OVCA2: variants seen among roughly 807,000 people sequenced by gnomAD.
The protein encoded by OVCA2 is esterase OVCA2.
OVCA2 carries 14 observed loss-of-function variants against 10.1 expected under a neutral mutation model. The observed-to-expected ratio is 1.39, with a 90% CI of 0.92 to 2.17. The LOEUF (loss-of-function observed/expected upper bound fraction) is 2.17. Ranked by LOEUF, OVCA2 falls within the 30% of genes most tolerant of loss-of-function variation. OVCA2 has a pLI of 0.00. For synonymous variants in OVCA2, 201 were observed against 134.1 expected (o/e 1.50, Z -3.45); for missense variants, 376 against 300.5 (o/e 1.25, Z -1.86).
Position 2,042,964 on chromosome 17 carries a change from ATCCCCT to A in OVCA2, c.545_550del (p.Ile182_Ser184delinsThr). On this transcript the variant is annotated inframe_deletion, in exon 2 of 2. Coordinates refer to ENST00000572195, the MANE Select transcript of OVCA2 (RefSeq NM_080822.3). ...TGTTTTTGGGGACACTGACAAAGTC[ATCCCCT>A]CTCAGGAGAGTGTGCAACTGGCCAG... The A allele has an allele frequency of 6.2e-7, 1 of 1,614,162 alleles. No individual in the cohort carries two copies. Among genetic ancestry groups the A allele is most frequent in the Non-Finnish European group, 8.5e-7 (1 of 1,180,042 alleles).
intron 1 of OVCA2, 174 bp downstream of exon 1, chr17:2,042,405 AG>A (rs2067555759): frequency 9.6e-6 from 12 of 1,255,154 alleles, no homozygotes; most frequent in Non-Finnish European, 1.1e-5. Context: ...CTGTCCTCCC[AG>A]GCTTCCGCCT....
In OVCA2 at chr17:2,043,295, G is replaced by A; in HGVS notation, c.*191G>A. The A allele has an allele frequency of 1.5e-6, 1 of 659,856 alleles. No homozygotes were observed. Among genetic ancestry groups the A allele is most frequent in the Non-Finnish European group, 2.5e-6 (1 of 402,502 alleles). The allele number at this position is 659,856 out of a possible 1,614,324, so 40.9% of individuals were successfully genotyped here. A position where few individuals can be genotyped will look rare whatever the true frequency, so the allele number is the denominator to read the frequency against. ...GTACTGAAGAAAAGGGGAGCACAAGGCCTTAATGGACATTGACTTGTGAAA... is the reference window on the plus strand; with the variant it reads ...GTACTGAAGAAAAGGGGAGCACAAGACCTTAATGGACATTGACTTGTGAAA... On this transcript the variant is annotated 3_prime_UTR_variant, in exon 2 of 2. Coordinates refer to ENST00000572195, the MANE Select transcript of OVCA2 (RefSeq NM_080822.3).
In OVCA2 at chr17:2,042,700, G is replaced by C. The variant is rs771450816; in HGVS notation, c.280G>C (p.Gly94Arg). 9 of 1,548,168 alleles carry C rather than the reference G, an allele frequency of 5.8e-6. No individual in the cohort carries two copies. In the Admixed American group the frequency reaches 1.6e-4, roughly 28 times the overall value. ...SALEEPAVCR[G>R]LEESLGMVAQ... is the part of the protein sequence containing the mutation. Reference sequence around the variant, plus strand: ...ATTGGAAGAGCCCGCCGTCTGCAGGGGCCTGGAGGAATCACTGGGGATGGT... The same window carrying C: ...ATTGGAAGAGCCCGCCGTCTGCAGGCGCCTGGAGGAATCACTGGGGATGGT... The change falls in exon 2 of 2, where the codon GGC becomes CGC. Residue 94 changes from glycine (G) to arginine (R), a missense_variant. By Grantham distance (125) the Gly-to-Arg change is moderately radical. Transcript: ENST00000572195.
In OVCA2 at chr17:2,042,975, GGA is replaced by G; in HGVS notation, c.559_560del (p.Ser187CysfsTer107). On this transcript the variant is annotated frameshift_variant, in exon 2 of 2. Transcript: ENST00000572195. LOFTEE classifies it high-confidence loss of function. ...ACACTGACAAAGTCATCCCCTCTCA[GGA>G]GAGTGTGCAACTGGCCAGCCAATTT... Reference protein sequence around the residue: ...GDTDKVIPSQESVQLASQFPG... With the variant: ...GDTDKVIPSQXSVQLASQFPG... 2 of 1,614,148 alleles carry G rather than the reference GGA, an allele frequency of 1.2e-6. No individual in the cohort carries two copies. The highest frequency in any genetic ancestry group is 1.7e-6 in the Non-Finnish European group (2 of 1,180,046).
At position 2,042,245 on chromosome 17, in the gene OVCA2, C is replaced by T. The variant is rs1343711555; in HGVS notation, c.184+14C>T. 1.4e-6 allele frequency: 2 copies of T among 1,413,216 alleles called. No homozygotes were observed. Among genetic ancestry groups the T allele is most frequent in the Non-Finnish European group, 1.8e-6 (2 of 1,090,014 alleles). The allele number at this position is 1,413,216 out of a possible 1,614,324, so 87.5% of individuals were successfully genotyped here. On this transcript the variant is annotated intron_variant, in intron 1 of 1. Transcript: ENST00000572195. The stretch of plus-strand genomic sequence containing the variant: ...GATCAGACTTCGGTGAGACAAGCCC[C>T]GCTCCGGAAACGCACTCAGTTTCCT...
chr17:2,042,297 C>T (rs2067551924), intron 1 of OVCA2, 66 bp downstream of exon 1: 1 of 1,395,742 alleles, frequency 7.2e-7, no homozygotes, highest in African/African-American at 1.5e-5. Flanking sequence ...CCCTCGACAC[C>T]CTTCAGCATC....
chr17:2,042,980 G>A lies in OVCA2; in HGVS notation c.560G>A (p.Ser187Asn), dbSNP rs374371278. 10 of 1,614,002 alleles carry A rather than the reference G, an allele frequency of 6.2e-6. No homozygotes were observed. Among genetic ancestry groups the A allele is most frequent in the African/African-American group, 1.3e-5 (1 of 74,936 alleles). The change falls in exon 2 of 2, where the codon AGT becomes AAT. Residue 187 changes from serine to asparagine, a missense_variant. Ser to Asn is a conservative substitution (Grantham distance 46, BLOSUM62 1). Transcript: ENST00000572195. ...DTDKVIPSQE[S>N]VQLASQFPGA... The stretch of plus-strand genomic sequence containing the variant: ...GACAAAGTCATCCCCTCTCAGGAGA[G>A]TGTGCAACTGGCCAGCCAATTTCCC...
chr17:2,043,301 A>T lies in OVCA2; in HGVS notation c.*197A>T. ...AAGAAAAGGGGAGCACAAGGCCTTA[A>T]TGGACATTGACTTGTGAAAACGCAA... On this transcript the variant is annotated 3_prime_UTR_variant, in exon 2 of 2. Coordinates refer to ENST00000572195, the MANE Select transcript of OVCA2 (RefSeq NM_080822.3). The T allele has an allele frequency of 1.6e-6, 1 of 639,842 alleles. No homozygotes were observed. The highest frequency in any genetic ancestry group is 2.6e-6 in the Non-Finnish European group (1 of 385,964). The allele number at this position is 639,842 out of a possible 1,614,324, so 39.6% of individuals were successfully genotyped here.
chr17:2,042,246 G>A lies in OVCA2; in HGVS notation c.184+15G>A, dbSNP rs576716092. The A allele has an allele frequency of 1.6e-5, 23 of 1,412,058 alleles. No homozygotes were observed. The African/African-American group carries it at 2.1e-4, about 13-fold the overall frequency. 87.5% of individuals were successfully genotyped at this position (1,412,058 alleles called of 1,614,324 possible). ...ATCAGACTTCGGTGAGACAAGCCCC[G>A]CTCCGGAAACGCACTCAGTTTCCTC... On this transcript the variant is annotated intron_variant, in intron 1 of 1. Transcript: ENST00000572195.
Position 2,043,261 on chromosome 17 carries a change from C to T in OVCA2, c.*157C>T. The T allele has an allele frequency of 1.1e-6, 1 of 911,898 alleles. No homozygotes were observed. The highest frequency in any genetic ancestry group is 1.6e-6 in the Non-Finnish European group (1 of 613,016). The allele number at this position is 911,898 out of a possible 1,614,324, so 56.5% of individuals were successfully genotyped here. On this transcript the variant is annotated 3_prime_UTR_variant, in exon 2 of 2. Coordinates refer to ENST00000572195, the MANE Select transcript of OVCA2 (RefSeq NM_080822.3). ...ATTCTTGAGACCCAAATTATAAGGG[C>T]CCTGCCCTGTACTGAAGAAAAGGGG...
At chr17:2,042,326 C>G in intron 1 of OVCA2, 95 bp downstream of exon 1, 1 of 1,382,810 alleles carries the variant, frequency 7.2e-7, no homozygotes, top group Non-Finnish European at 9.4e-7. Flanking sequence ...TGCGTCCACC[C>G]GCATTCCTCC....
At chr17:2,042,273 A>G (rs1597290909) in intron 1 of OVCA2, 42 bp downstream of exon 1, 1 of 1,401,038 alleles carries the variant, frequency 7.1e-7, no homozygotes, top group Non-Finnish European at 9.2e-7. Flanking sequence ...AGTTTCCTCC[A>G]TCTTGTTTCG....
rs139327293 is a variant in OVCA2 at position 2,043,005 on chromosome 17, C to A, written c.585C>A (p.Pro195=). Residue 195 remains proline (P), a synonymous_variant, in exon 2 of 2, where the codon CCC becomes CCA. Transcript: ENST00000572195. ...GTGTGCAACTGGCCAGCCAATTTCC[C>A]GGAGCCATCACCCTCACCCACTCTG... The part of the protein sequence containing the change: ...QESVQLASQF[P]GAITLTHSGG... 6.2e-7 allele frequency: 1 copy of A among 1,614,126 alleles called. No homozygotes were observed. The highest frequency in any genetic ancestry group is 1.3e-5 in the African/African-American group (1 of 75,060).
In OVCA2 at chr17:2,043,233, T is replaced by C; in HGVS notation, c.*129T>C. 1 of 1,196,688 alleles carries C rather than the reference T, an allele frequency of 8.4e-7. No individual in the cohort carries two copies. Among genetic ancestry groups the C allele is most frequent in the African/African-American group, 1.5e-5 (1 of 65,612 alleles). 74.1% of individuals were successfully genotyped at this position (1,196,688 alleles called of 1,614,324 possible). On this transcript the variant is annotated 3_prime_UTR_variant, in exon 2 of 2. Coordinates refer to ENST00000572195, the MANE Select transcript of OVCA2 (RefSeq NM_080822.3). Reference sequence around the variant, plus strand: ...ACCAGAACCAGTTAAGAGACAACTATCAATTCTTGAGACCCAAATTATAAG... The same window carrying C: ...ACCAGAACCAGTTAAGAGACAACTACCAATTCTTGAGACCCAAATTATAAG...
chr17:2,042,377 C>T (rs1047908655), intron 1 of OVCA2, 146 bp downstream of exon 1: 4 of 1,306,338 alleles, frequency 3.1e-6, no homozygotes, highest in African/African-American at 3.1e-5. Context: ...CCCATACCCT[C>T]TTTGCTCAAA....
rs749220856 is a variant in OVCA2, at chr17:2,042,207, C to T, written c.160C>T (p.Pro54Ser). The T allele has an allele frequency of 1.3e-4, 181 of 1,432,116 alleles. No homozygotes were observed. The highest frequency in any genetic ancestry group is 1.6e-4 in the Non-Finnish European group (177 of 1,100,360). 88.7% of individuals were successfully genotyped at this position (1,432,116 alleles called of 1,614,324 possible). A position where few individuals can be genotyped will look rare whatever the true frequency, so the allele number is the denominator to read the frequency against. The change falls in exon 1 of 2, where the codon CCC (proline) becomes TCC (serine). Residue 54 changes from proline to serine, a missense_variant. Transcript: ENST00000572195. The part of the protein sequence containing the change: ...GPHPVPDPPG[P>S]EGARSDFGSC... Reference sequence around the variant, plus strand: ...GCACCCGGTCCCCGACCCCCCGGGCCCCGAGGGCGCCAGATCAGACTTCGG... The same window carrying T: ...GCACCCGGTCCCCGACCCCCCGGGCTCCGAGGGCGCCAGATCAGACTTCGG...
chr17:2,042,781 G>A lies in OVCA2; in HGVS notation c.361G>A (p.Gly121Arg), dbSNP rs1206252170. Residue 121 changes from glycine to arginine, a missense_variant, in exon 2 of 2, where the codon GGG becomes AGG. By Grantham distance (125) the Gly-to-Arg change is moderately radical. Transcript: ENST00000572195. ...TGACGGCCTTCTTGGTTTCAGCCAAGGGGCTGCGCTAGCAGCCCTTGTGTG... is the reference window on the plus strand; with the variant it reads ...TGACGGCCTTCTTGGTTTCAGCCAAAGGGCTGCGCTAGCAGCCCTTGTGTG... The part of the protein sequence containing the change: ...PFDGLLGFSQ[G>R]AALAALVCAL... 1 of 1,611,670 alleles carries A rather than the reference G, an allele frequency of 6.2e-7. No homozygotes were observed. Among genetic ancestry groups the A allele is most frequent in the African/African-American group, 1.3e-5 (1 of 74,644 alleles).
At chr17:2,042,401 T>G (rs950966217) in intron 1 of OVCA2, 170 bp downstream of exon 1, 23 of 1,249,640 alleles carry the variant, frequency 1.8e-5, no homozygotes, top group Non-Finnish European at 2.4e-5. Flanking sequence ...CAGCCTGTCC[T>G]CCCAGGCTTC....
chr17:2,042,725 T>C lies in OVCA2; in HGVS notation c.305T>C (p.Val102Ala). 6.4e-7 allele frequency: 1 copy of C among 1,566,280 alleles called. No homozygotes were observed. Among genetic ancestry groups the C allele is most frequent in the Non-Finnish European group, 8.6e-7 (1 of 1,158,062 alleles). The change falls in exon 2 of 2, where the codon GTG becomes GCG. Residue 102 changes from valine to alanine, a missense_variant. Val to Ala is a moderately conservative substitution (Grantham distance 64). Transcript: ENST00000572195. ...GGCCTGGAGGAATCACTGGGGATGG[T>C]GGCACAGGCACTGAACAGGCTGGGG... The part of the protein sequence containing the change: ...CRGLEESLGM[V>A]AQALNRLGPF...
Sources: allele counts gnomAD v4.1 joint callset, GRCh38; gene constraint gnomAD v4.1.1; transcripts MANE v1.5; gene names NCBI Gene and HGNC (gene_info 2026-07-23, HGNC 2026-07-21).